ANK2: variants seen among roughly 807,000 people sequenced by gnomAD.
ANK2 encodes ankyrin 2, also known as ankyrin-2.
In ANK2, 83 loss-of-function variants were observed where a neutral mutation model predicts 360.5. The ratio of observed to expected loss-of-function variants is 0.23; its 90% confidence interval spans 0.19 to 0.28. ANK2 has a LOEUF of 0.28. ANK2 is among the 10% of genes least tolerant of loss of function. ANK2 has a pLI of 1.00. For missense variants in ANK2, 4,201 were observed against 4,795.7 expected (o/e 0.88, Z 3.66); for synonymous variants, 1,740 against 1,759.5 (o/e 0.99, Z 0.28).
chr4:112,739,331 G>A, the ANK2 span, among the ~76,000 whole-genome samples: 143 of 152,282 alleles, frequency 9.4e-4, 1 homozygote, highest in African/African-American at 3.2e-3. Flanking sequence ...GATATTTCTA[G>A]GCCAGGCTCT....
At chr4:112,894,454 CT>C (rs1306338144) in intron 1 of ANK2, among the ~76,000 whole-genome samples, 2 of 151,712 alleles carry the variant, frequency 1.3e-5, no homozygotes, top group African/African-American at 4.9e-5. Flanking sequence ...AACTTTCAAA[CT>C]TCAAATTATG....
the ANK2 span, among the ~76,000 whole-genome samples, chr4:112,761,869 C>A: frequency 6.6e-6 from 1 of 152,178 alleles, no homozygotes; most frequent in African/African-American, 2.4e-5. Flanking sequence ...AGGAACTGAG[C>A]CTCCGGTAGG....
At chr4:113,006,475 CATT>C (rs1368102906) in intron 2 of ANK2, among the ~76,000 whole-genome samples, 9 of 152,120 alleles carry the variant, frequency 5.9e-5, no homozygotes, top group Non-Finnish European at 1.3e-4. Context: ...ATTGAGCTCT[CATT>C]ATTTATCCTT....
chr4:113,115,501 T>C (rs1342827091), intron 1 of ANK2, among the ~76,000 whole-genome samples: 2 of 152,210 alleles, frequency 1.3e-5, no homozygotes, highest in Non-Finnish European at 2.9e-5. Flanking sequence ...TACTGTTTTC[T>C]TTGACTTTCG....
chr4:112,921,542 TA>T (rs1234103151), intron 2 of ANK2, among the ~76,000 whole-genome samples: 1 of 152,088 alleles, frequency 6.6e-6, no homozygotes, highest in Non-Finnish European at 1.5e-5. Context: ...GGTGCAATCA[TA>T]GCACACTACA....
intron 1 of ANK2, among the ~76,000 whole-genome samples, chr4:113,119,812 A>G (rs1311746203): frequency 6.6e-6 from 1 of 152,314 alleles, no homozygotes; most frequent in Admixed American, 6.5e-5. Flanking sequence ...CAAGGTAAAG[A>G]TATTGCACAT....
At chr4:113,055,899 T>G (rs993477863) in intron 1 of ANK2, among the ~76,000 whole-genome samples, 2 of 152,202 alleles carry the variant, frequency 1.3e-5, no homozygotes, top group African/African-American at 4.8e-5. Flanking sequence ...GATTCTTCCT[T>G]CCAGTGTTGC....
the ANK2 span, among the ~76,000 whole-genome samples, chr4:112,733,597 G>A: frequency 5.9e-5 from 9 of 152,082 alleles, no homozygotes; most frequent in Non-Finnish European, 1.2e-4. Context: ...CACTGATACA[G>A]ACCCAGCATC....
intron 2 of ANK2, among the ~76,000 whole-genome samples, chr4:112,967,288 T>A (rs2037654525): frequency 6.6e-6 from 1 of 152,160 alleles, no homozygotes; most frequent in Admixed American, 6.5e-5. Context: ...AAGCCAAAAG[T>A]CAAGATTAAA....
chr4:113,086,424 A>G (rs17045528), intron 1 of ANK2, among the ~76,000 whole-genome samples: 4,043 of 152,306 alleles, frequency 0.027, 168 homozygotes, highest in African/African-American at 0.092. Context: ...CAGTTGCAAC[A>G]CAACAAAAAC....
intron 15 of ANK2, among the ~76,000 whole-genome samples, chr4:113,277,293 T>G (rs1452835347): frequency 1.3e-5 from 2 of 152,244 alleles, no homozygotes; most frequent in Non-Finnish European, 2.9e-5. Context: ...AGTTGCTTTT[T>G]AATAGTACAT....
At chr4:112,788,098 G>A in the ANK2 span, 19 of 1,559,160 alleles carry the variant, frequency 1.2e-5, no homozygotes, top group Non-Finnish European at 1.6e-5. Context: ...CCAGTTTAGT[G>A]GCAAGTTCTT....
At chr4:113,288,322 G>T (rs980263813) in intron 19 of ANK2, 66 bp from the exon 20 acceptor site, 2 of 1,301,480 alleles carry the variant, frequency 1.5e-6, no homozygotes, top group African/African-American at 1.5e-5. Context: ...CTCCTCTGGG[G>T]TATTAACCAC....
intron 1 of ANK2, among the ~76,000 whole-genome samples, chr4:112,854,382 T>C (rs937016084): frequency 6.6e-6 from 1 of 152,140 alleles, no homozygotes; most frequent in African/African-American, 2.4e-5. Flanking sequence ...TTAAGGTGCA[T>C]GGTAGAGGAG....
the ANK2 span, among the ~76,000 whole-genome samples, chr4:112,808,045 ACAGT>A: frequency 2.0e-5 from 3 of 152,244 alleles, no homozygotes; most frequent in African/African-American, 4.8e-5. Context: ...TATTTTAAGA[ACAGT>A]CAGTGAGAAA....
intron 26 of ANK2, among the ~76,000 whole-genome samples, chr4:113,323,265 AC>A (rs2087495827): frequency 6.6e-6 from 1 of 152,024 alleles, no homozygotes; most frequent in Admixed American, 6.6e-5. Flanking sequence ...GATATTACCT[AC>A]CCCGCTTTAT....
At chr4:113,113,610 A>T (rs1427212780) in intron 1 of ANK2, among the ~76,000 whole-genome samples, 1 of 152,210 alleles carries the variant, frequency 6.6e-6, no homozygotes, top group Admixed American at 6.5e-5. Flanking sequence ...GATGGTCATG[A>T]TGCTTTGTGG....
At chr4:112,738,236 C>T in the ANK2 span, among the ~76,000 whole-genome samples, 1 of 151,920 alleles carries the variant, frequency 6.6e-6, no homozygotes, top group Non-Finnish European at 1.5e-5. Context: ...ATGGCGAAGC[C>T]CCGTCTCTAT....
At chr4:113,258,179 AT>A in intron 12 of ANK2, 31 bp downstream of exon 12, 1 of 1,588,308 alleles carries the variant, frequency 6.3e-7, no homozygotes, top group Non-Finnish European at 8.6e-7. Context: ...GTCACAAAGC[AT>A]TCCTTCTCTT....
Sources: gnomAD v4.1 joint callset for allele counts (sites outside exome capture counted in the v4.1 genomes callset) on GRCh38, gnomAD v4.1.1 for gene constraint, MANE v1.5 for transcripts, NCBI Gene and HGNC (gene_info 2026-07-23, HGNC 2026-07-21) for gene names.